Variants in CLSTN2 observed in about 807,000 individuals in gnomAD.
CLSTN2 encodes calsyntenin-2.
CLSTN2 carries 48 observed loss-of-function variants against 101.2 expected under a neutral mutation model. The observed-to-expected ratio is 0.47, with a 90% CI of 0.38 to 0.60. The LOEUF (loss-of-function observed/expected upper bound fraction) is 0.60. Among genes scored for constraint, CLSTN2 ranks in the 20% least tolerant of loss-of-function variants. The pLI is 0.00. For missense variants in CLSTN2, 1,160 were observed against 1,238.2 expected, an observed-to-expected ratio of 0.94 and a Z score of 0.95; for synonymous variants, 481 against 463.6, an observed-to-expected ratio of 1.04 and a Z score of -0.48.
chr3:140,059,061 G>T (rs1402160727), intron 1 of CLSTN2, among the ~76,000 whole-genome samples: 2 of 152,242 alleles, frequency 1.3e-5, no homozygotes, highest in Non-Finnish European at 2.9e-5. Flanking sequence ...ATGTTGGGGT[G>T]TGGGCTCTGT....
intron 8 of CLSTN2, among the ~76,000 whole-genome samples, chr3:140,520,141 C>G (rs61559704): frequency 0.12 from 17,859 of 152,186 alleles, 1,275 homozygotes; most frequent in African/African-American, 0.2. Context: ...CCAGTATCTT[C>G]TGGCTTGTAG....
At chr3:140,463,995 G>A (rs1355298113) in intron 7 of CLSTN2, among the ~76,000 whole-genome samples, 1 of 152,212 alleles carries the variant, frequency 6.6e-6, no homozygotes. Context: ...CCCAGAAAAG[G>A]AGTGTGTCAC....
At chr3:140,213,220 A>AT (rs1236568437) in intron 2 of CLSTN2, among the ~76,000 whole-genome samples, 1 of 151,930 alleles carries the variant, frequency 6.6e-6, no homozygotes, top group African/African-American at 2.4e-5. Flanking sequence ...ATTTAGTATT[A>AT]TTTTTTGTAA....
At chr3:140,165,386 CTG>C (rs769338025) in intron 1 of CLSTN2, among the ~76,000 whole-genome samples, 4 of 152,150 alleles carry the variant, frequency 2.6e-5, no homozygotes, top group Non-Finnish European at 5.9e-5. Context: ...ATGCTGGGCA[CTG>C]TGTTAGGAAC....
chr3:140,229,635 C>A (rs186175231), intron 2 of CLSTN2, among the ~76,000 whole-genome samples: 109 of 152,060 alleles, frequency 7.2e-4, no homozygotes, highest in African/African-American at 2.5e-3. Context: ...GAAATAGGTA[C>A]CTGAGTGAGT....
At chr3:140,497,016 A>T (rs1934480243) in intron 8 of CLSTN2, among the ~76,000 whole-genome samples, 1 of 150,940 alleles carries the variant, frequency 6.6e-6, no homozygotes. Flanking sequence ...CAGCAGAATC[A>T]CTTGAACCTG....
chr3:140,257,561 G>GGTGTGTGTGT (rs397877641), intron 2 of CLSTN2, among the ~76,000 whole-genome samples: 30 of 93,060 alleles, frequency 3.2e-4, no homozygotes, highest in East Asian at 1.9e-3. Context: ...TCTTTCTAGG[G>GGTGTGTGTGT]GTGTGTGTGT....
At chr3:139,998,940 G>T (rs1381082813) in intron 1 of CLSTN2, among the ~76,000 whole-genome samples, 1 of 152,118 alleles carries the variant, frequency 6.6e-6, no homozygotes, top group African/African-American at 2.4e-5. Context: ...GATTACCTCT[G>T]ATGGGAAGAG....
intron 2 of CLSTN2, among the ~76,000 whole-genome samples, chr3:140,181,263 G>A (rs1031148136): frequency 6.6e-6 from 1 of 152,134 alleles, no homozygotes; most frequent in Admixed American, 6.5e-5. Context: ...AAAGTGCCTA[G>A]AGCTCTCTCT....
intron 2 of CLSTN2, among the ~76,000 whole-genome samples, chr3:140,300,757 A>G (rs2087050311): frequency 6.6e-6 from 1 of 152,206 alleles, no homozygotes; most frequent in Admixed American, 6.5e-5. Context: ...TATTTGTAGT[A>G]GATCTGGATT....
intron 1 of CLSTN2, among the ~76,000 whole-genome samples, chr3:140,013,079 G>A (rs1245197707): frequency 6.6e-6 from 1 of 152,222 alleles, no homozygotes; most frequent in African/African-American, 2.4e-5. Context: ...GGATGGATGA[G>A]CCAAGGAGCA....
At chr3:140,462,936 A>G (rs562076410) in intron 7 of CLSTN2, 1 of 152,378 alleles carries the variant, frequency 6.6e-6, no homozygotes, top group East Asian at 1.9e-4. Flanking sequence ...CATTTGCCAC[A>G]ACTTGGTCAC....
chr3:140,166,049 C>A (rs943467777), intron 1 of CLSTN2, among the ~76,000 whole-genome samples: 18 of 152,160 alleles, frequency 1.2e-4, no homozygotes, highest in African/African-American at 4.3e-4. Context: ...TATCTACTCT[C>A]AAACCTTGTG....
At chr3:140,121,507 A>C (rs2009340710) in intron 1 of CLSTN2, among the ~76,000 whole-genome samples, 1 of 152,186 alleles carries the variant, frequency 6.6e-6, no homozygotes, top group Admixed American at 6.5e-5. Flanking sequence ...ACATATAGTA[A>C]GCTTCCTCTC....
intron 8 of CLSTN2, among the ~76,000 whole-genome samples, chr3:140,522,584 G>C (rs58256114): frequency 0.096 from 14,634 of 152,138 alleles, 2,319 homozygotes; most frequent in African/African-American, 0.33. Context: ...AGAATGCAAG[G>C]CACTAAAATA....
chr3:140,069,145 A>G (rs1373349261), intron 1 of CLSTN2, among the ~76,000 whole-genome samples: 1 of 152,212 alleles, frequency 6.6e-6, no homozygotes, highest in Non-Finnish European at 1.5e-5. Context: ...CTGAGATCTA[A>G]TTGTGGATTT....
rs560724761 is a variant in CLSTN2 at position 140,366,117 on chromosome 3, C to T, written c.233-37512C>T. 7.2e-5 allele frequency among the ~76,000 whole-genome samples: 11 copies of T among 152,340 alleles called. No homozygotes were observed. In the South Asian group the frequency reaches 8.3e-4, roughly 11 times the overall value. Reference sequence around the variant, plus strand: ...GACAGTCAGCCGTGTTCATCTGCTGCGTGTCAGAGAGGCACACGTGCACAC... The same window carrying T: ...GACAGTCAGCCGTGTTCATCTGCTGTGTGTCAGAGAGGCACACGTGCACAC... On this transcript the variant is annotated intron_variant, in intron 2 of 16. Transcript: ENST00000458420.
At chr3:140,153,667 G>C (rs2009904712) in intron 1 of CLSTN2, among the ~76,000 whole-genome samples, 1 of 152,226 alleles carries the variant, frequency 6.6e-6, no homozygotes, top group East Asian at 1.9e-4. Context: ...TCCCTTTTGA[G>C]GGTAAAGGGC....
chr3:140,000,551 A>G (rs188305945), intron 1 of CLSTN2, among the ~76,000 whole-genome samples: 1 of 152,310 alleles, frequency 6.6e-6, no homozygotes, highest in Admixed American at 6.5e-5. Flanking sequence ...ACCCAAATGG[A>G]GAAGGTTAGA....
Sources: allele counts gnomAD v4.1 joint callset (sites outside exome capture counted in the v4.1 genomes callset), GRCh38; gene constraint gnomAD v4.1.1; transcripts MANE v1.5; gene names NCBI Gene and HGNC (gene_info 2026-07-23, HGNC 2026-07-21).